Variants in NFATC1 observed in about 807,000 individuals in gnomAD.
The protein encoded by NFATC1 is nuclear factor of activated T cells 1.
Under a neutral mutation model 76.0 loss-of-function variants are expected in NFATC1, and 22 were observed. That is an observed-to-expected ratio of 0.29 (90% confidence interval 0.21 to 0.41). NFATC1 has a LOEUF of 0.41. NFATC1 is among the 10% of genes least tolerant of loss of function. The pLI is 1.00. For synonymous variants in NFATC1, 704 were observed against 613.1 expected (o/e 1.15, Z -2.19); for missense variants, 1,357 against 1,337.7 (o/e 1.01, Z -0.23).
chr18:79,498,581 T>C (rs1667682), intron 9 of NFATC1, among the ~76,000 whole-genome samples: 111,522 of 152,150 alleles, frequency 0.73, 41,419 homozygotes, highest in Non-Finnish European at 0.79. Flanking sequence ...TAATGAGTTA[T>C]AGAAAGAGAT....
At chr18:79,429,595 G>C (rs984588807) in intron 2 of NFATC1, among the ~76,000 whole-genome samples, 4 of 152,180 alleles carry the variant, frequency 2.6e-5, no homozygotes, top group Admixed American at 6.5e-5. Context: ...GGAGTGGAGT[G>C]GGGTGGAGAG....
rs375663712 is a variant in NFATC1 at position 79,446,665 on chromosome 18, CTGTT to C, written c.1387-2113_1387-2110del. On this transcript the variant is annotated intron_variant, in intron 3 of 9. Transcript: ENST00000427363. ...CAGGTCCCAGCGTCCCCCGTCCTGA[CTGTT>C]TGTGTGGAGACACTCATGTATTCAT... Among the ~76,000 whole-genome samples the C allele has an allele frequency of 4.5e-3, 687 of 152,236 alleles. 15 individuals carry two copies. Among genetic ancestry groups the C allele is most frequent in the African/African-American group, 0.01 (419 of 41,538 alleles).
At chr18:79,506,181 C>T (rs533275998) in intron 9 of NFATC1, among the ~76,000 whole-genome samples, 36 of 152,256 alleles carry the variant, frequency 2.4e-4, no homozygotes, top group African/African-American at 8.4e-4. Flanking sequence ...TTATAAAGAG[C>T]GGTTCGCCGT....
At chr18:79,499,547 G>A (rs2089970334) in intron 9 of NFATC1, among the ~76,000 whole-genome samples, 1 of 152,052 alleles carries the variant, frequency 6.6e-6, no homozygotes, top group Non-Finnish European at 1.5e-5. Flanking sequence ...AAATGTCAGT[G>A]GAATAAACAC....
intron 9 of NFATC1, chr18:79,497,967 A>G (rs2145124330): frequency 1.3e-5 from 2 of 151,694 alleles, no homozygotes; most frequent in African/African-American, 4.8e-5. Flanking sequence ...TGCAAGGAAT[A>G]CAGCATCTAG....
In NFATC1 at chr18:79,469,648, C is replaced by G. The variant is rs929717682; in HGVS notation, c.2092+2066C>G. Reference sequence around the variant, plus strand: ...GTGTCTCGGCTGCACCCTCCACCCCCCATCTGCTCCAGCATGGCTCAACGC... The same window carrying G: ...GTGTCTCGGCTGCACCCTCCACCCCGCATCTGCTCCAGCATGGCTCAACGC... On this transcript the variant is annotated intron_variant, in intron 8 of 9. Transcript: ENST00000427363. The G allele has an allele frequency of 2.1e-5, 21 of 985,922 alleles. 1 individual carries two copies. Among genetic ancestry groups the G allele is most frequent in the Admixed American group, 1.2e-4 (2 of 16,298 alleles). 61.1% of individuals were successfully genotyped at this position (985,922 alleles called of 1,614,324 possible).
Position 79,524,567 on chromosome 18 carries a change from C to T in NFATC1, c.2783-2961C>T, listed in dbSNP as rs1014615188. Among the ~76,000 whole-genome samples the T allele has an allele frequency of 5.3e-5, 8 of 152,192 alleles. No individual in the cohort carries two copies. Among genetic ancestry groups the T allele is most frequent in the South Asian group, 4.1e-4 (2 of 4,828 alleles). On this transcript the variant is annotated intron_variant, in intron 9 of 9. Coordinates refer to ENST00000427363, the MANE Select transcript of NFATC1 (RefSeq NM_001278669.2). The surrounding 1 kb of genome is among the most constrained non-coding windows in gnomAD (Gnocchi z 7.2). ...ACTTGACCCGGCGCTGGGACGGGGT[C>T]GGCCCACACGCACCGCCAGCCCGCA... is the stretch of plus-strand genomic sequence containing the variant.
chr18:79,425,015 C>T (rs55801586), intron 2 of NFATC1, among the ~76,000 whole-genome samples: 2 of 151,336 alleles, frequency 1.3e-5, no homozygotes, highest in Non-Finnish European at 2.9e-5. Flanking sequence ...CTGTCTCTCT[C>T]TCTGTCTCCA....
chr18:79,455,858 C>G (rs1600770866), intron 6 of NFATC1, among the ~76,000 whole-genome samples: 1 of 152,020 alleles, frequency 6.6e-6, no homozygotes, highest in Middle Eastern at 3.4e-3. Context: ...TGTGGGCAGG[C>G]ACTAGCCACA....
At chr18:79,418,041 A>G (rs1342517418) in intron 2 of NFATC1, among the ~76,000 whole-genome samples, 3 of 152,048 alleles carry the variant, frequency 2.0e-5, no homozygotes, top group Non-Finnish European at 1.5e-5. Flanking sequence ...ACCAAGTTTC[A>G]TTGCGATGTT....
At position 79,524,600 on chromosome 18, in the gene NFATC1, G is replaced by A. The variant is rs75359010; in HGVS notation, c.2783-2928G>A. On this transcript the variant is annotated intron_variant, in intron 9 of 9. Coordinates refer to ENST00000427363, the MANE Select transcript of NFATC1 (RefSeq NM_001278669.2). The surrounding 1 kb of genome is among the most constrained non-coding windows in gnomAD (Gnocchi z 7.2). ...ACGCACCGCCAGCCCGCAGGAGTGA[G>A]GTGCAGGCTGCCGCTGGCTCCTTAG... 4.9e-3 allele frequency among the ~76,000 whole-genome samples: 744 copies of A among 152,308 alleles called. 6 individuals are homozygous for A. The highest frequency in any genetic ancestry group is 9.1e-3 in the Non-Finnish European group (617 of 68,010).
chr18:79,410,157 G>A lies in NFATC1; in HGVS notation c.128-246G>A, dbSNP rs1391527434. On this transcript the variant is annotated intron_variant, in intron 1 of 9. Transcript: ENST00000427363. This position sits in a 1 kb window ranked among gnomAD's most constrained non-coding sequence, Gnocchi z 6.7. ...AGGACGTTCGGGGGCTTGTGCTGCT[G>A]TTAGGGGAGGAGGGGAGGTGGGCAG... is the stretch of plus-strand genomic sequence containing the variant. 4 of 761,544 alleles carry A rather than the reference G, an allele frequency of 5.3e-6. No homozygotes were observed. Among genetic ancestry groups the A allele is most frequent in the Admixed American group, 5.2e-5 (3 of 58,168 alleles). The allele number at this position is 761,544 out of a possible 1,614,324, so 47.2% of individuals were successfully genotyped here.
At chr18:79,429,354 A>C (rs924086741) in intron 2 of NFATC1, among the ~76,000 whole-genome samples, 1 of 151,842 alleles carries the variant, frequency 6.6e-6, no homozygotes, top group Non-Finnish European at 1.5e-5. Flanking sequence ...TGTTGGATGC[A>C]AATTTCACCC....
rs188238489 is a variant in NFATC1 at position 79,500,490 on chromosome 18, A to G, written c.2782+13553A>G. On this transcript the variant is annotated intron_variant, in intron 9 of 9. Transcript: ENST00000427363. ...GCTTTTTCCTTAAAAATGTTGAAAA[A>G]GGAGAGAAAAAACCCAAGGCAAGTG... Among the ~76,000 whole-genome samples, 9 of 152,278 alleles carry G rather than the reference A, an allele frequency of 5.9e-5. No homozygotes were observed. The East Asian group carries it at 1.7e-3, about 29-fold the overall frequency.
chr18:79,521,230 G>A (rs1422720040), intron 9 of NFATC1, among the ~76,000 whole-genome samples: 3 of 95,100 alleles, frequency 3.2e-5, no homozygotes, highest in East Asian at 7.7e-4. Flanking sequence ...TGTGGGGGGT[G>A]GAGCATCCAC....
At chr18:79,438,635 TGTCAGTTAGGAGAAGGGCCA>T (rs2086864862) in intron 3 of NFATC1, among the ~76,000 whole-genome samples, 1 of 152,222 alleles carries the variant, frequency 6.6e-6, no homozygotes, top group Admixed American at 6.5e-5. Context: ...CTTATAATAT[TGTCAGTTAGGAGAAGGGCCA>T]ACTGAGTCTG....
At chr18:79,440,925 G>A (rs565600654) in intron 3 of NFATC1, among the ~76,000 whole-genome samples, 2 of 152,296 alleles carry the variant, frequency 1.3e-5, no homozygotes, top group Non-Finnish European at 2.9e-5. Context: ...TGGGAGTGGC[G>A]GCTGGGAGCA....
chr18:79,428,012 G>A (rs1295166035), intron 2 of NFATC1, among the ~76,000 whole-genome samples: 2 of 148,150 alleles, frequency 1.3e-5, no homozygotes, highest in Non-Finnish European at 3.0e-5. Context: ...CGGGGAGGCT[G>A]GATGACTGGC....
chr18:79,419,806 C>T (rs947931756), intron 2 of NFATC1, among the ~76,000 whole-genome samples: 5 of 152,322 alleles, frequency 3.3e-5, no homozygotes, highest in South Asian at 4.1e-4. Context: ...CTTCGGCAGC[C>T]GGGCAGCCGC....
Sources: allele counts gnomAD v4.1 joint callset (sites outside exome capture counted in the v4.1 genomes callset), GRCh38; gene constraint gnomAD v4.1.1; non-coding constraint Gnocchi (gnomAD v3.1); transcripts MANE v1.5; gene names NCBI Gene and HGNC (gene_info 2026-07-23, HGNC 2026-07-21).